Variants in SCEL observed in about 807,000 individuals in gnomAD.
SCEL encodes the protein sciellin.
In SCEL, 113 loss-of-function variants were observed where a neutral mutation model predicts 117.6. That is an observed-to-expected ratio of 0.96 (90% confidence interval 0.83 to 1.12). The LOEUF (loss-of-function observed/expected upper bound fraction) is 1.12, where lower values mean the gene tolerates loss of function less well. SCEL is among the 50% of genes most tolerant of loss of function. SCEL has a pLI of 0.00. For missense variants in SCEL, 785 were observed against 810.8 expected (o/e 0.97, Z 0.39); for synonymous variants, 270 against 256.2 (o/e 1.05, Z -0.51).
chr13:77,644,925 A>G lies in SCEL; in HGVS notation c.*651A>G, dbSNP rs1594223695. ...ATTAGCTCTTTGGAAACATATATGC[A>G]TACATGTTTGTTAAGCCTATTGAAC... On this transcript the variant is annotated 3_prime_UTR_variant, in exon 33 of 33. Coordinates refer to ENST00000349847, the MANE Select transcript of SCEL (RefSeq NM_144777.3). 1 of 152,238 alleles carries G rather than the reference A, an allele frequency of 6.6e-6. No individual in the cohort carries two copies. Among genetic ancestry groups the G allele is most frequent in the African/African-American group, 2.4e-5 (1 of 41,456 alleles). 9.4% of individuals were successfully genotyped at this position (152,238 alleles called of 1,614,324 possible).
chr13:77,637,271 C>CAT, intron 30 of SCEL, 77 bp downstream of exon 30: 1 of 322,404 alleles, frequency 3.1e-6, no homozygotes, highest in Non-Finnish European at 5.6e-6. Context: ...TATATATACA[C>CAT]ACACACAGGC....
At chr13:77,542,143 T>C (rs1411300092) in intron 1 of SCEL, among the ~76,000 whole-genome samples, 3 of 152,128 alleles carry the variant, frequency 2.0e-5, no homozygotes, top group Non-Finnish European at 2.9e-5. Context: ...TGGTGAGGGT[T>C]GTGTATTAAA....
intron 1 of SCEL, among the ~76,000 whole-genome samples, chr13:77,548,574 G>A (rs1056800104): frequency 2.0e-5 from 3 of 152,220 alleles, no homozygotes; most frequent in East Asian, 3.9e-4. Flanking sequence ...CTCTGATATG[G>A]TTTGTCTCTG....
Position 77,556,731 on chromosome 13 carries a change from G to A in SCEL, c.161+18G>A, listed in dbSNP as rs541875317. The A allele has an allele frequency of 5.7e-5, 88 of 1,537,526 alleles. 1 individual carries two copies. The highest frequency in any genetic ancestry group is 1.1e-4 in the East Asian group (5 of 44,430). ...GAAGAAAAGTAAGCTGGTGTGGAGCGTGGTGGGTGGACAGAAGGGCAGAGA... is the reference window on the plus strand; with the variant it reads ...GAAGAAAAGTAAGCTGGTGTGGAGCATGGTGGGTGGACAGAAGGGCAGAGA... On this transcript the variant is annotated intron_variant, in intron 3 of 32. Transcript: ENST00000349847.
chr13:77,628,819 G>A (rs1304158429), intron 28 of SCEL, among the ~76,000 whole-genome samples: 4 of 152,032 alleles, frequency 2.6e-5, no homozygotes, highest in African/African-American at 4.8e-5. Context: ...TCCTGAATCC[G>A]ACAGGTAGAT....
Position 77,586,800 on chromosome 13 carries a change from T to G in SCEL, c.546-2344T>G, listed in dbSNP as rs186943370. On this transcript the variant is annotated intron_variant, in intron 9 of 32. Coordinates refer to ENST00000349847, the MANE Select transcript of SCEL (RefSeq NM_144777.3). The stretch of plus-strand genomic sequence containing the variant: ...TGCAGCCAGACTTTCCCTTTCAGAT[T>G]CCCAGCTCTGCCCCTTATGAGCTGC... Among the ~76,000 whole-genome samples the G allele has an allele frequency of 1.1e-3, 163 of 152,294 alleles. 2 individuals are homozygous for G. Among genetic ancestry groups the G allele is most frequent in the Non-Finnish European group, 3.1e-4 (21 of 68,022 alleles).
chr13:77,555,906 C>A lies in SCEL; in HGVS notation c.31C>A (p.Pro11Thr). 1 of 1,613,398 alleles carries A rather than the reference C, an allele frequency of 6.2e-7. No individual in the cohort carries two copies. The highest frequency in any genetic ancestry group is 8.5e-7 in the Non-Finnish European group (1 of 1,179,510). Residue 11 changes from proline to threonine, a missense_variant, in exon 2 of 33, where the codon CCC becomes ACC. Coordinates refer to ENST00000349847, the MANE Select transcript of SCEL (RefSeq NM_144777.3). MSNVTLRKMS[P>T]TGNEMKSTTQ... ...CAATGTTACCTTGAGAAAAATGTCT[C>A]CCACAGGAAATGGTAATGTACATGA...
chr13:77,602,309 A>T (rs1367906725), intron 16 of SCEL, 185 bp downstream of exon 16: 3 of 520,960 alleles, frequency 5.8e-6, no homozygotes, highest in Non-Finnish European at 1.0e-5. Context: ...TTTGAGTTAC[A>T]TTGAAGTAGG....
chr13:77,573,433 C>T (rs1474654200), intron 9 of SCEL, among the ~76,000 whole-genome samples: 1 of 152,148 alleles, frequency 6.6e-6, no homozygotes, highest in Non-Finnish European at 1.5e-5. Context: ...AAACTCTGTG[C>T]TTATTTCATA....
intron 11 of SCEL, among the ~76,000 whole-genome samples, chr13:77,593,298 C>CTG (rs112759213): frequency 0.031 from 2,306 of 73,680 alleles, 96 homozygotes; most frequent in East Asian, 0.3. Flanking sequence ...GTGTGTGTGT[C>CTG]TGTGTGTGTG....
chr13:77,598,949 TGGGATTACA>T (rs1412633429), intron 13 of SCEL, among the ~76,000 whole-genome samples: 1 of 152,208 alleles, frequency 6.6e-6, no homozygotes, highest in African/African-American at 2.4e-5. Context: ...CCCAAAGTAC[TGGGATTACA>T]GGCATAAGCC....
intron 10 of SCEL, among the ~76,000 whole-genome samples, chr13:77,590,285 A>C (rs1292094067): frequency 6.6e-6 from 1 of 152,108 alleles, no homozygotes. Flanking sequence ...GGATCTTTGA[A>C]ATTTTGTCCA....
chr13:77,615,199 T>G (rs2088933079), intron 24 of SCEL, among the ~76,000 whole-genome samples: 1 of 152,076 alleles, frequency 6.6e-6, no homozygotes, highest in Non-Finnish European at 1.5e-5. Context: ...TGTTTGGAGA[T>G]GGACAGAGCC....
chr13:77,598,738 A>C (rs2087425983), intron 13 of SCEL, among the ~76,000 whole-genome samples: 2 of 152,204 alleles, frequency 1.3e-5, no homozygotes, highest in South Asian at 4.1e-4. Flanking sequence ...GCTGGAGTGC[A>C]GTGATACAAT....
At chr13:77,629,302 C>T (rs1358411966) in intron 28 of SCEL, among the ~76,000 whole-genome samples, 2 of 152,102 alleles carry the variant, frequency 1.3e-5, no homozygotes, top group Non-Finnish European at 2.9e-5. Context: ...TGAGTATTGG[C>T]TTTTGTCCAT....
intron 2 of SCEL, among the ~76,000 whole-genome samples, chr13:77,556,309 A>T (rs904475856): frequency 1.4e-4 from 21 of 152,128 alleles, no homozygotes; most frequent in Non-Finnish European, 2.6e-4. Flanking sequence ...ATCCTGGCTC[A>T]GTTTATCCCA....
At chr13:77,642,850 T>C (rs373038199) in intron 32 of SCEL, 42 bp downstream of exon 32, 65 of 1,026,552 alleles carry the variant, frequency 6.3e-5, no homozygotes, top group Non-Finnish European at 8.7e-5. Flanking sequence ...TGGTTAACCT[T>C]AATGAGCATT....
intron 1 of SCEL, among the ~76,000 whole-genome samples, chr13:77,550,854 A>G (rs1336337400): frequency 1.3e-5 from 2 of 152,160 alleles, no homozygotes; most frequent in African/African-American, 2.4e-5. Context: ...CATGTTTTTA[A>G]CCAAAGGAAT....
intron 28 of SCEL, among the ~76,000 whole-genome samples, chr13:77,628,414 T>C (rs1043776037): frequency 6.6e-6 from 1 of 151,996 alleles, no homozygotes; most frequent in African/African-American, 2.4e-5. Flanking sequence ...AATCTCTTCC[T>C]TGGATGCCTA....
Sources: gnomAD v4.1 joint callset for allele counts (sites outside exome capture counted in the v4.1 genomes callset) on GRCh38, gnomAD v4.1.1 for gene constraint, MANE v1.5 for transcripts, NCBI Gene and HGNC (gene_info 2026-07-23, HGNC 2026-07-21) for gene names.